The following MFGE8 variants were observed in gnomAD, a reference collection of about 807,000 sequenced individuals.
MFGE8 encodes lactadherin.
A neutral mutation model predicts 42.6 loss-of-function variants in MFGE8; 34 were observed. The observed-to-expected ratio is 0.80, with a 90% CI of 0.61 to 1.06. MFGE8 has a LOEUF of 1.06. Ranked by LOEUF, MFGE8 falls within the 50% of genes least tolerant of loss-of-function variation. MFGE8 has a pLI of 0.00. For synonymous variants in MFGE8, 230 were observed against 214.8 expected, an observed-to-expected ratio of 1.07 and a Z score of -0.62; for missense variants, 510 against 516.9, an observed-to-expected ratio of 0.99 and a Z score of 0.13.
intron 2 of MFGE8, among the ~76,000 whole-genome samples, 173 bp from the exon 3 acceptor site, chr15:88,907,549 C>A (rs1384134230): frequency 6.6e-6 from 1 of 152,118 alleles, no homozygotes; most frequent in Non-Finnish European, 1.5e-5. Flanking sequence ...GAAGGCAGTG[C>A]CCAGGACGAG....
Position 88,900,841 on chromosome 15 carries a change from A to T in MFGE8, c.870+710T>A, listed in dbSNP as rs866919573. 7 of 744,390 alleles carry T rather than the reference A, an allele frequency of 9.4e-6. No homozygotes were observed. The Middle Eastern group carries it at 2.7e-3, about 290-fold the overall frequency. 46.1% of individuals were successfully genotyped at this position (744,390 alleles called of 1,614,324 possible). On this transcript the variant is annotated intron_variant, in intron 6 of 7. Transcript: ENST00000268150. ...AGAATATGTATGCTGTGCTCAAGGGAGAGGTCCCAAGATGCCTGGGTCATG... is the reference window on the plus strand; with the variant it reads ...AGAATATGTATGCTGTGCTCAAGGGTGAGGTCCCAAGATGCCTGGGTCATG...
intron 2 of MFGE8, among the ~76,000 whole-genome samples, chr15:88,908,784 A>G (rs1898818558): frequency 6.6e-6 from 1 of 152,184 alleles, no homozygotes; most frequent in African/African-American, 2.4e-5. Context: ...ATCTGGCCTC[A>G]GGGCAGGGTC....
Position 88,905,734 on chromosome 15 carries a change from C to T in MFGE8, c.685+23G>A. Reference sequence around the variant, plus strand: ...CCTAGGATTGGCCAACAGTGCCCCCCTACCCGCACCCCCAGCACTCACCGT... The same window carrying T: ...CCTAGGATTGGCCAACAGTGCCCCCTTACCCGCACCCCCAGCACTCACCGT... On this transcript the variant is annotated intron_variant, in intron 5 of 7. Transcript: ENST00000268150. The surrounding 1 kb of genome is among the most constrained non-coding windows in gnomAD (Gnocchi z 6.6). The T allele has an allele frequency of 6.2e-7, 1 of 1,613,838 alleles. No homozygotes were observed. The highest frequency in any genetic ancestry group is 8.5e-7 in the Non-Finnish European group (1 of 1,179,990).
In MFGE8 at chr15:88,905,460, A is replaced by T. The variant is rs994965968; in HGVS notation, c.685+297T>A. Reference sequence around the variant, plus strand: ...ATCTGCCAAACACACCTAACGCTACATGTTCTAGAAGCTACAGGAGAGGAG... The same window carrying T: ...ATCTGCCAAACACACCTAACGCTACTTGTTCTAGAAGCTACAGGAGAGGAG... On this transcript the variant is annotated intron_variant, in intron 5 of 7. Transcript: ENST00000268150. The surrounding 1 kb of genome is among the most constrained non-coding windows in gnomAD (Gnocchi z 6.6). 14 of 580,226 alleles carry T rather than the reference A, an allele frequency of 2.4e-5. No homozygotes were observed. The highest frequency in any genetic ancestry group is 3.9e-5 in the Non-Finnish European group (12 of 307,606). 35.9% of individuals were successfully genotyped at this position (580,226 alleles called of 1,614,324 possible). A position where few individuals can be genotyped will look rare whatever the true frequency, so the allele number is the denominator to read the frequency against.
intron 2 of MFGE8, among the ~76,000 whole-genome samples, chr15:88,907,780 T>C (rs912170105): frequency 1.3e-5 from 2 of 151,820 alleles, no homozygotes; most frequent in Non-Finnish European, 2.9e-5. Flanking sequence ...GTGCAGGGGT[T>C]AGACTGGTGG....
chr15:88,904,215 C>T (rs1393753902), intron 5 of MFGE8: 2 of 152,254 alleles, frequency 1.3e-5, no homozygotes, highest in Non-Finnish European at 2.9e-5. Flanking sequence ...GCCAAGCACC[C>T]AGGAGGGGCT....
rs756066643 is a variant in MFGE8, at chr15:88,899,369, G to A, written c.*26C>T. 15 of 1,613,458 alleles carry A rather than the reference G, an allele frequency of 9.3e-6. No homozygotes were observed. The Admixed American group carries it at 1.5e-4, about 16-fold the overall frequency. On this transcript the variant is annotated 3_prime_UTR_variant, in exon 8 of 8. Coordinates refer to ENST00000268150, the MANE Select transcript of MFGE8 (RefSeq NM_005928.4). The surrounding 1 kb of genome is among the most constrained non-coding windows in gnomAD (Gnocchi z 6.8). The stretch of plus-strand genomic sequence containing the variant: ...GAGGCAGCGGGCCCATGGAAAGCAG[G>A]AAGACCTGGGGGTGGCAGGTGGCCA...
intron 2 of MFGE8, 89 bp from the exon 3 acceptor site, chr15:88,907,465 T>C (rs997501360): frequency 2.9e-5 from 35 of 1,207,504 alleles, no homozygotes; most frequent in Non-Finnish European, 4.3e-5. Flanking sequence ...TAAGACTGTA[T>C]GACCTCTGCC....
At chr15:88,910,743 G>A (rs1898918346) in intron 1 of MFGE8, 1 of 153,316 alleles carries the variant, frequency 6.5e-6, no homozygotes, top group African/African-American at 2.4e-5. Context: ...TGCACAGAGG[G>A]TGTGGTATGT....
Position 88,902,181 on chromosome 15 carries a change from A to T in MFGE8, c.686-446T>A, listed in dbSNP as rs1391267690. ...CCGTCCCATGGCACAGTCACTATCT[A>T]CTTTAATAACAACCACATTGTTTAT... On this transcript the variant is annotated intron_variant, in intron 5 of 7. Coordinates refer to ENST00000268150, the MANE Select transcript of MFGE8 (RefSeq NM_005928.4). The surrounding 1 kb of genome is among the most constrained non-coding windows in gnomAD (Gnocchi z 4.3). 5.1e-6 allele frequency: 1 copy of T among 197,026 alleles called. No individual in the cohort carries two copies. Among genetic ancestry groups the T allele is most frequent in the African/African-American group, 2.3e-5 (1 of 43,544 alleles). The allele number at this position is 197,026 out of a possible 1,614,324, so 12.2% of individuals were successfully genotyped here. A position where few individuals can be genotyped will look rare whatever the true frequency, so the allele number is the denominator to read the frequency against.
intron 1 of MFGE8, among the ~76,000 whole-genome samples, chr15:88,911,855 A>T (rs2141728318): frequency 6.6e-6 from 1 of 152,282 alleles, no homozygotes; most frequent in Admixed American, 6.5e-5. Flanking sequence ...AACACCATTA[A>T]TGAGCGATCT....
chr15:88,911,739 G>GA (rs71149239), intron 1 of MFGE8, among the ~76,000 whole-genome samples: 342 of 140,250 alleles, frequency 2.4e-3, no homozygotes, highest in Admixed American at 3.2e-3. Context: ...AAAGAAAAAA[G>GA]AAAAAAAAAA....
chr15:88,901,697 G>A lies in MFGE8; in HGVS notation c.724C>T (p.Pro242Ser). The change falls in exon 6 of 8, where the codon CCT (proline) becomes TCT (serine). Residue 242 changes from proline to serine, a missense_variant. Pro to Ser is a moderately conservative substitution (Grantham distance 74). Transcript: ENST00000268150. ...CTGGAGGCCGTGATCTGCTTGTCAG[G>A]GATGCTGTTATTCTTCAGGCCCAGG... ...NPLGLKNNSI[P>S]DKQITASSSY... The A allele has an allele frequency of 6.2e-7, 1 of 1,613,774 alleles. No individual in the cohort carries two copies. The highest frequency in any genetic ancestry group is 8.5e-7 in the Non-Finnish European group (1 of 1,179,978).
chr15:88,909,396 C>T (rs1779391154), intron 2 of MFGE8, among the ~76,000 whole-genome samples: 1 of 152,196 alleles, frequency 6.6e-6, no homozygotes, highest in Admixed American at 6.5e-5. Context: ...CCTCAAAAGA[C>T]CAAGAATGTG....
At chr15:88,901,248 C>T (rs1006368814) in intron 6 of MFGE8, among the ~76,000 whole-genome samples, 7 of 51,042 alleles carry the variant, frequency 1.4e-4, no homozygotes, top group African/African-American at 2.5e-4. Flanking sequence ...CACATTCACA[C>T]GCACGCATTC....
In MFGE8 at chr15:88,899,733, C is replaced by A; in HGVS notation, c.949G>T (p.Ala317Ser). The A allele has an allele frequency of 6.2e-7, 1 of 1,614,170 alleles. No homozygotes were observed. ...TTACTGTAGGCAACCTTGTAGGATG[C>A]CACAAACTGGACAGAGCCAAAGTTA... ...ARNFGSVQFVASYKVAYSNDS... is the reference protein window; with the variant it reads ...ARNFGSVQFVSSYKVAYSNDS... Residue 317 changes from alanine (A) to serine (S), a missense_variant, in exon 7 of 8, where the codon GCA becomes TCA. Ala to Ser is a moderately conservative substitution (Grantham distance 99, BLOSUM62 1). Coordinates refer to ENST00000268150, the MANE Select transcript of MFGE8 (RefSeq NM_005928.4). The surrounding 1 kb of genome is among the most constrained non-coding windows in gnomAD (Gnocchi z 6.8).
At chr15:88,908,140 A>G (rs1898787108) in intron 2 of MFGE8, among the ~76,000 whole-genome samples, 1 of 152,250 alleles carries the variant, frequency 6.6e-6, no homozygotes, top group South Asian at 2.1e-4. Context: ...CCAGGAACCC[A>G]GGACAGCTAC....
Position 88,913,346 on chromosome 15 carries a change from G to T in MFGE8, c.-27C>A. 1 of 1,411,464 alleles carries T rather than the reference G, an allele frequency of 7.1e-7. No homozygotes were observed. Among genetic ancestry groups the T allele is most frequent in the South Asian group, 1.5e-5 (1 of 65,164 alleles). The allele number at this position is 1,411,464 out of a possible 1,614,324, so 87.4% of individuals were successfully genotyped here. A position where few individuals can be genotyped will look rare whatever the true frequency, so the allele number is the denominator to read the frequency against. ...CTGCGGGGACGCGGGCGCTGGAATG[G>T]GCACGCTGGGCTGCTCAGACCCCGC... On this transcript the variant is annotated 5_prime_UTR_variant, in exon 1 of 8. Coordinates refer to ENST00000268150, the MANE Select transcript of MFGE8 (RefSeq NM_005928.4).
chr15:88,913,119 T>C (rs1217900409), intron 1 of MFGE8, 128 bp downstream of exon 1: 11 of 1,332,552 alleles, frequency 8.3e-6, no homozygotes, highest in South Asian at 2.0e-5. Flanking sequence ...GCCGCCCCTC[T>C]GCCCAGCCCG....
Sources: allele counts gnomAD v4.1 joint callset (sites outside exome capture counted in the v4.1 genomes callset), GRCh38; gene constraint gnomAD v4.1.1; non-coding constraint Gnocchi (gnomAD v3.1); transcripts MANE v1.5; gene names NCBI Gene and HGNC (gene_info 2026-07-23, HGNC 2026-07-21).